Variants in LARP4 observed in about 807,000 individuals in gnomAD.
The protein encoded by LARP4 is la-related protein 4.
In LARP4, 29 loss-of-function variants were observed where a neutral mutation model predicts 92.9. The ratio of observed to expected loss-of-function variants is 0.31; its 90% confidence interval spans 0.23 to 0.43. The LOEUF is 0.43. Ranked by LOEUF, LARP4 falls within the 20% of genes least tolerant of loss-of-function variation. The pLI is 1.00. For synonymous variants in LARP4, 279 were observed against 284.1 expected, an observed-to-expected ratio of 0.98 and a Z score of 0.18; for missense variants, 732 against 860.0, an observed-to-expected ratio of 0.85 and a Z score of 1.86.
At chr12:50,434,544 G>T (rs988296016) in intron 4 of LARP4, among the ~76,000 whole-genome samples, 12 of 150,378 alleles carry the variant, frequency 8.0e-5, no homozygotes, top group African/African-American at 2.9e-4. Context: ...TCAGCACCCC[G>T]AGTAGCACCC....
intron 8 of LARP4, among the ~76,000 whole-genome samples, chr12:50,452,368 G>A (rs1179065137): frequency 1.3e-5 from 2 of 152,028 alleles, no homozygotes; most frequent in Non-Finnish European, 2.9e-5. Flanking sequence ...TTTTGGTAGA[G>A]ACGGGGTTTC....
intron 3 of LARP4, among the ~76,000 whole-genome samples, chr12:50,429,612 G>A (rs748037743): frequency 7.9e-5 from 12 of 152,092 alleles, no homozygotes; most frequent in Admixed American, 2.0e-4. Flanking sequence ...GAAGTGATAT[G>A]GTAAGCAATT....
chr12:50,469,417 A>G (rs1173299544), intron 13 of LARP4, among the ~76,000 whole-genome samples: 1 of 152,042 alleles, frequency 6.6e-6, no homozygotes. Context: ...ATCCTGGCTA[A>G]CATGGTGAAA....
intron 8 of LARP4, among the ~76,000 whole-genome samples, chr12:50,449,408 C>G (rs1011146657): frequency 6.6e-6 from 1 of 152,126 alleles, no homozygotes; most frequent in Non-Finnish European, 1.5e-5. Flanking sequence ...ACATGATTCT[C>G]TGTCCTTTCT....
In LARP4 at chr12:50,475,658, C is replaced by T; in HGVS notation, c.1969C>T (p.Pro657Ser). 6.2e-7 allele frequency: 1 copy of T among 1,614,088 alleles called. No individual in the cohort carries two copies. Among genetic ancestry groups the T allele is most frequent in the Non-Finnish European group, 8.5e-7 (1 of 1,180,034 alleles). The stretch of plus-strand genomic sequence containing the variant: ...CACCAAAAATGAAGACAATGGAGCT[C>T]CTGAGAACTCCGTTGAGAAACCACA... ...SPTKNEDNGA[P>S]ENSVEKPHEK... Residue 657 changes from proline to serine, a missense_variant, in exon 16 of 16, where the codon CCT becomes TCT. Physicochemically the swap from Pro to Ser is moderately conservative, Grantham distance 74. Around this residue, in one of 7 missense-constraint regions of LARP4, gnomAD observed 115 missense variants for 129.1 expected, o/e 0.89. Transcript: ENST00000398473.
intron 10 of LARP4, 116 bp from the exon 11 acceptor site, chr12:50,461,019 G>GT: frequency 1.3e-6 from 1 of 752,144 alleles, no homozygotes; most frequent in Non-Finnish European, 2.3e-6. Context: ...ATTCTTTTGT[G>GT]TTTAACTTAA....
At position 50,479,367 on chromosome 12, in the gene LARP4, A is replaced by G. The variant is rs995166487; in HGVS notation, c.*3503A>G. ...GCTTTTATAAATTATTAACTATAAT[A>G]TATGATGGATTTTTTCCTAATTTTT... is the stretch of plus-strand genomic sequence containing the variant. On this transcript the variant is annotated 3_prime_UTR_variant, in exon 16 of 16. Coordinates refer to ENST00000398473, the MANE Select transcript of LARP4 (RefSeq NM_052879.5). 5.3e-5 allele frequency: 8 copies of G among 152,198 alleles called. No homozygotes were observed. The highest frequency in any genetic ancestry group is 1.2e-4 in the Non-Finnish European group (8 of 68,014). 9.4% of individuals were successfully genotyped at this position (152,198 alleles called of 1,614,324 possible). A position where few individuals can be genotyped will look rare whatever the true frequency, so the allele number is the denominator to read the frequency against.
intron 1 of LARP4, among the ~76,000 whole-genome samples, chr12:50,408,187 CTTTTTTT>C (rs71083565): frequency 5.8e-5 from 4 of 69,260 alleles, no homozygotes; most frequent in Admixed American, 2.5e-4. Context: ...GGATTTTCTG[CTTTTTTT>C]TTTTTTTTTT....
intron 1 of LARP4, among the ~76,000 whole-genome samples, chr12:50,407,580 C>T (rs904819320): frequency 6.6e-6 from 1 of 152,148 alleles, no homozygotes; most frequent in African/African-American, 2.4e-5. Flanking sequence ...CGGGGTGACT[C>T]ATGCCTGTAA....
intron 6 of LARP4, among the ~76,000 whole-genome samples, chr12:50,439,470 A>G (rs1431563364): frequency 1.3e-5 from 2 of 152,136 alleles, no homozygotes; most frequent in Non-Finnish European, 2.9e-5. Flanking sequence ...TGGTACGATC[A>G]TAGTTCATTG....
chr12:50,450,836 G>A (rs1953062950), intron 8 of LARP4, among the ~76,000 whole-genome samples: 1 of 152,030 alleles, frequency 6.6e-6, no homozygotes, highest in African/African-American at 2.4e-5. Flanking sequence ...TGACTTAATA[G>A]TGTATTCTGG....
intron 1 of LARP4, among the ~76,000 whole-genome samples, chr12:50,404,930 C>G (rs1036943496): frequency 6.6e-6 from 1 of 151,670 alleles, no homozygotes; most frequent in South Asian, 2.1e-4. Context: ...CCTCATGATT[C>G]GCCCACCTCG....
chr12:50,467,781 G>C (rs978398533), intron 13 of LARP4, among the ~76,000 whole-genome samples: 1 of 151,932 alleles, frequency 6.6e-6, no homozygotes, highest in Non-Finnish European at 1.5e-5. Context: ...ATGATTATTT[G>C]GTGTGTAGAC....
In LARP4 at chr12:50,400,907, A is replaced by T; in HGVS notation, c.-104A>T. Reference sequence around the variant, plus strand: ...AGGAGCCGGGTCCACTGCCGGGTGGAGGGGCAAGGCGAGTGTGTGTCCTTA... The same window carrying T: ...AGGAGCCGGGTCCACTGCCGGGTGGTGGGGCAAGGCGAGTGTGTGTCCTTA... On this transcript the variant is annotated 5_prime_UTR_variant, in exon 1 of 16. Coordinates refer to ENST00000398473, the MANE Select transcript of LARP4 (RefSeq NM_052879.5). 1 of 1,517,888 alleles carries T rather than the reference A, an allele frequency of 6.6e-7. No individual in the cohort carries two copies. Among genetic ancestry groups the T allele is most frequent in the Non-Finnish European group, 9.2e-7 (1 of 1,092,594 alleles). The allele number at this position is 1,517,888 out of a possible 1,614,324, so 94.0% of individuals were successfully genotyped here. A position where few individuals can be genotyped will look rare whatever the true frequency, so the allele number is the denominator to read the frequency against.
chr12:50,426,731 GGTTTTT>G (rs1948836413), intron 1 of LARP4, among the ~76,000 whole-genome samples: 2 of 79,740 alleles, frequency 2.5e-5, no homozygotes, highest in African/African-American at 6.9e-5. Flanking sequence ...GTGTGTGTGT[GGTTTTT>G]TTTTTTTTTT....
At chr12:50,460,995 A>G (rs995982278) in intron 10 of LARP4, 140 bp from the exon 11 acceptor site, 42 of 687,466 alleles carry the variant, frequency 6.1e-5, no homozygotes, top group Non-Finnish European at 4.8e-5. Context: ...AAGGGGCAAC[A>G]CTTTTACAAC....
rs1198138710 is a variant in LARP4, at chr12:50,474,087, A to G, written c.1756A>G (p.Ser586Gly). 3.1e-6 allele frequency: 5 copies of G among 1,612,768 alleles called. No individual in the cohort carries two copies. The Admixed American group carries it at 5.0e-5, about 16-fold the overall frequency. ...GACAACTATACCAGTTTCTCCTCCA[A>G]GTACTACAAAGCCATCGAGGGCAAG... ...NQTTIPVSPP[S>G]TTKPSRASTA... The change falls in exon 15 of 16, where the codon AGT becomes GGT. Residue 586 changes from serine (S) to glycine (G), a missense_variant. Ser to Gly is a moderately conservative substitution (Grantham distance 56). Coordinates refer to ENST00000398473, the MANE Select transcript of LARP4 (RefSeq NM_052879.5).
intron 1 of LARP4, among the ~76,000 whole-genome samples, chr12:50,405,451 G>GT (rs55663620): frequency 2.0e-5 from 3 of 150,926 alleles, no homozygotes; most frequent in African/African-American, 7.3e-5. Context: ...TTTATTTACA[G>GT]TTTTTTTTTT....
intron 4 of LARP4, among the ~76,000 whole-genome samples, chr12:50,432,397 T>C (rs1565591507): frequency 1.3e-5 from 2 of 152,206 alleles, no homozygotes; most frequent in Non-Finnish European, 2.9e-5. Context: ...TGGACTCAGT[T>C]CACCTTTGAT....
Sources: gnomAD v4.1 joint callset for allele counts (sites outside exome capture counted in the v4.1 genomes callset) on GRCh38, gnomAD v4.1.1 for gene constraint, gnomAD v4.1.1 regional missense constraint, MANE v1.5 for transcripts, NCBI Gene and HGNC (gene_info 2026-07-23, HGNC 2026-07-21) for gene names.